SLC49A3: variants seen among roughly 807,000 people sequenced by gnomAD.
SLC49A3 encodes the protein solute carrier family 49 member A3.
Under a neutral mutation model 43.8 loss-of-function variants are expected in SLC49A3, and 50 were observed. The ratio of observed to expected loss-of-function variants is 1.14; its 90% CI spans 0.91 to 1.45. The LOEUF is 1.45. Among genes scored for constraint, SLC49A3 ranks in the 40% most tolerant of loss-of-function variants. SLC49A3 has a pLI of 0.00. For missense variants in SLC49A3, 906 were observed against 774.1 expected (o/e 1.17, Z -2.02); for synonymous variants, 413 against 352.0 (o/e 1.17, Z -1.94).
chr4:690,740 T>C (rs1741814185), upstream of SLC49A3, among the ~76,000 whole-genome samples: 1 of 152,170 alleles, frequency 6.6e-6, no homozygotes, highest in Non-Finnish European at 1.5e-5. Context: ...TGTAGCTACC[T>C]CCATTGTTCA....
downstream of SLC49A3, chr4:679,034 G>A (rs765368805): frequency 1.7e-5 from 27 of 1,613,340 alleles, no homozygotes; most frequent in African/African-American, 2.7e-5. Flanking sequence ...GCCTCCCTGG[G>A]TAGGTACCCA....
Position 681,953 on chromosome 4 carries a change from C to G in SLC49A3, c.*5G>C. On this transcript the variant is annotated 3_prime_UTR_variant, in exon 10 of 10. Coordinates refer to ENST00000322224, the MANE Select transcript of SLC49A3 (RefSeq NM_032219.4). ...GGCGGGCAACCTGGACTACAAGGCG[C>G]TCAGCTACGTGATCACCCACGGGGA... 7.4e-7 allele frequency: 1 copy of G among 1,355,278 alleles called. No homozygotes were observed. The highest frequency in any genetic ancestry group is 9.6e-7 in the Non-Finnish European group (1 of 1,041,098). 84.0% of individuals were successfully genotyped at this position (1,355,278 alleles called of 1,614,324 possible).
chr4:678,927 G>C, downstream of SLC49A3: 1 of 1,612,914 alleles, frequency 6.2e-7, no homozygotes, highest in Non-Finnish European at 8.5e-7. Flanking sequence ...AGCCGGGTTG[G>C]CAGCACAGCA....
Position 685,241 on chromosome 4 carries a change from C to T in SLC49A3, c.586-385G>A, listed in dbSNP as rs1328302760. ...GTACATACCCCCAAGCACAAACACA[C>T]CACCCGCACCTGATACACATGCACG... is the stretch of plus-strand genomic sequence containing the variant. On this transcript the variant is annotated intron_variant, in intron 4 of 9. Coordinates refer to ENST00000322224, the MANE Select transcript of SLC49A3 (RefSeq NM_032219.4). The surrounding 1 kb of genome is among the most constrained non-coding windows in gnomAD (Gnocchi z 4.3). 2 of 330,552 alleles carry T rather than the reference C, an allele frequency of 6.1e-6. No homozygotes were observed. Among genetic ancestry groups the T allele is most frequent in the Non-Finnish European group, 1.1e-5 (2 of 176,198 alleles). 20.5% of individuals were successfully genotyped at this position (330,552 alleles called of 1,614,324 possible).
chr4:682,211 G>A lies in SLC49A3; in HGVS notation c.1427C>T (p.Ala476Val). Reference protein sequence around the residue: ...DSGPGVDRGGAGRAGVLGPST... With the variant: ...DSGPGVDRGGVGRAGVLGPST... The stretch of plus-strand genomic sequence containing the variant: ...GGGCCCCAGGACCCCAGCCCTTCCT[G>A]CTCCCCCTCGGTCCACACCCGGCCC... The change falls in exon 10 of 10, where the codon GCA (alanine) becomes GTA (valine). Residue 476 changes from alanine to valine, a missense_variant. Transcript: ENST00000322224. The A allele has an allele frequency of 7.3e-7, 1 of 1,372,296 alleles. No homozygotes were observed. The highest frequency in any genetic ancestry group is 9.5e-7 in the Non-Finnish European group (1 of 1,051,946). The allele number at this position is 1,372,296 out of a possible 1,614,324, so 85.0% of individuals were successfully genotyped here.
Position 683,360 on chromosome 4 carries a change from T to G in SLC49A3, c.1001A>C (p.Gln334Pro). 2.5e-6 allele frequency: 4 copies of G among 1,608,696 alleles called. No individual in the cohort carries two copies. Among genetic ancestry groups the G allele is most frequent in the Non-Finnish European group, 3.4e-6 (4 of 1,177,868 alleles). ...LACVPFALVS[Q>P]LQGQTLALAA... is the part of the protein sequence containing the mutation. ...CAGGGCAAGGGTCTGTCCCTGCAGC[T>G]GGGACACCTGGGAGCAGCGGAACGG... Residue 334 changes from glutamine (Q) to proline (P), a missense_variant, in exon 8 of 10, where the codon CAG (glutamine) becomes CCG (proline). Transcript: ENST00000322224.
rs1740930435 is a variant in SLC49A3, at chr4:685,969, C to T, written c.509-58G>A. On this transcript the variant is annotated intron_variant, in intron 3 of 9. Transcript: ENST00000322224. The surrounding 1 kb of genome is among the most constrained non-coding windows in gnomAD (Gnocchi z 4.3). ...GCTGTGGCCTGGCTTCATCGCCAGC[C>T]CACAGGCAGAACCTTCCGGGCCCCA... is the stretch of plus-strand genomic sequence containing the variant. 1 of 1,611,902 alleles carries T rather than the reference C, an allele frequency of 6.2e-7. No individual in the cohort carries two copies. Among genetic ancestry groups the T allele is most frequent in the East Asian group, 2.2e-5 (1 of 44,856 alleles).
Position 685,987 on chromosome 4 carries a change from G to T in SLC49A3, c.509-76C>A. On this transcript the variant is annotated intron_variant, in intron 3 of 9. Transcript: ENST00000322224. The surrounding 1 kb of genome is among the most constrained non-coding windows in gnomAD (Gnocchi z 4.3). ...CGCCAGCCCACAGGCAGAACCTTCC[G>T]GGCCCCAGCTCCTCCACCCTGGCCA... 1 of 1,608,674 alleles carries T rather than the reference G, an allele frequency of 6.2e-7. No individual in the cohort carries two copies. The highest frequency in any genetic ancestry group is 8.5e-7 in the Non-Finnish European group (1 of 1,177,462).
At position 685,072 on chromosome 4, in the gene SLC49A3, C is replaced by T; in HGVS notation, c.586-216G>A. 1 of 587,668 alleles carries T rather than the reference C, an allele frequency of 1.7e-6. No individual in the cohort carries two copies. The highest frequency in any genetic ancestry group is 2.3e-5 in the South Asian group (1 of 43,960). 36.4% of individuals were successfully genotyped at this position (587,668 alleles called of 1,614,324 possible). On this transcript the variant is annotated intron_variant, in intron 4 of 9. Coordinates refer to ENST00000322224, the MANE Select transcript of SLC49A3 (RefSeq NM_032219.4). This position sits in a 1 kb window ranked among gnomAD's most constrained non-coding sequence, Gnocchi z 4.3. ...CCCTGGCTGTCAACGCATCCCTCAC[C>T]AGTGACACCCTCCTGGCTGATGTTA...
At chr4:679,240 G>C, downstream of SLC49A3, 1 of 683,446 alleles carries the variant, frequency 1.5e-6, no homozygotes, top group Non-Finnish European at 2.6e-6. Flanking sequence ...GAGACAGGGT[G>C]GGTGGGACAG....
At chr4:678,548 G>A (rs28648652), downstream of SLC49A3, 32 of 1,476,132 alleles carry the variant, frequency 2.2e-5, no homozygotes, top group Admixed American at 7.7e-5. Flanking sequence ...CCTCCAGCCC[G>A]AAGGGCTGAG....
chr4:680,967 T>A, downstream of SLC49A3: 2 of 1,116,552 alleles, frequency 1.8e-6, no homozygotes, highest in Admixed American at 2.1e-5. Flanking sequence ...AGGGCCACAC[T>A]CCAGCGGGAA....
Position 683,266 on chromosome 4 carries a change from G to A in SLC49A3, c.1095C>T (p.Val365=), listed in dbSNP as rs750904256. The change falls in exon 8 of 10, where the codon GTC becomes GTT. Residue 365 remains valine (V), a synonymous_variant. Coordinates refer to ENST00000322224, the MANE Select transcript of SLC49A3 (RefSeq NM_032219.4). ...SVGPVAMELA[V]ECSFPVGEGA... ...CCTCCCCCACGGGGAAGGAACACTCGACCGCCAACTCCATGGCCACGGGGC... is the reference window on the plus strand; with the variant it reads ...CCTCCCCCACGGGGAAGGAACACTCAACCGCCAACTCCATGGCCACGGGGC... 6.4e-5 allele frequency: 104 copies of A among 1,612,546 alleles called. 1 individual carries two copies. The South Asian group carries it at 9.3e-4, about 14-fold the overall frequency.
Position 684,813 on chromosome 4 carries a change from G to GA in SLC49A3, c.628dup (p.Ser210PhefsTer104). On this transcript the variant is annotated frameshift_variant, in exon 5 of 10. Coordinates refer to ENST00000322224, the MANE Select transcript of SLC49A3 (RefSeq NM_032219.4). LOFTEE classifies it high-confidence loss of function. ...CACACTCTCCCACAGGCAGATGGTG[G>GA]ACAGCAGGCAGACGACGCCAGCAGG... 1 of 1,612,572 alleles carries GA rather than the reference G, an allele frequency of 6.2e-7. No homozygotes were observed. Among genetic ancestry groups the GA allele is most frequent in the East Asian group, 2.2e-5 (1 of 44,888 alleles).
In SLC49A3 at chr4:684,496, C is replaced by T. The variant is rs780384996; in HGVS notation, c.827G>A (p.Ser276Asn). The T allele has an allele frequency of 1.2e-5, 19 of 1,613,008 alleles. No individual in the cohort carries two copies. The East Asian group carries it at 3.1e-4, about 26-fold the overall frequency. Residue 276 changes from serine (S) to asparagine (N), a missense_variant, in exon 6 of 10, where the codon AGC becomes AAC. Coordinates refer to ENST00000322224, the MANE Select transcript of SLC49A3 (RefSeq NM_032219.4). The part of the protein sequence containing the change: ...SALLEQILCA[S>N]GHSSGFSGLC... ...GGCCAGGCTCACACTGGAGTGGCCG[C>T]TTGCACAGAGGATCTGCTCCAGGAG...
downstream of SLC49A3, chr4:680,825 C>A: frequency 3.2e-6 from 2 of 629,762 alleles, no homozygotes; most frequent in Non-Finnish European, 5.5e-6. Context: ...CCCACTCCTC[C>A]ATCTTCAGCT....
chr4:691,319 C>T (rs895081313), upstream of SLC49A3, among the ~76,000 whole-genome samples: 11 of 136,136 alleles, frequency 8.1e-5, no homozygotes, highest in South Asian at 4.6e-4. Flanking sequence ...CATGGCTGGG[C>T]GAGGTAGCTC....
Position 686,551 on chromosome 4 carries a change from GA to G in SLC49A3, c.274del (p.Ser92ProfsTer14). 6.2e-7 allele frequency: 1 copy of G among 1,612,840 alleles called. No homozygotes were observed. The highest frequency in any genetic ancestry group is 1.7e-4 in the Middle Eastern group (1 of 6,060). ...FGVAAIWILD[S>X]VGLRAATILG... Reference sequence around the variant, plus strand: ...ACTCACCGCCGCACGGAGCCCGACGGAGTCCAGGATCCAGATGGCCGCCACG... The same window carrying G: ...ACTCACCGCCGCACGGAGCCCGACGGGTCCAGGATCCAGATGGCCGCCACG... On this transcript the variant is annotated frameshift_variant, in exon 2 of 10. Transcript: ENST00000322224. LOFTEE classifies it high-confidence loss of function.
chr4:686,303 C>T lies in SLC49A3; in HGVS notation c.295-1G>A. 6.2e-7 allele frequency: 1 copy of T among 1,612,952 alleles called. No homozygotes were observed. The highest frequency in any genetic ancestry group is 8.5e-7 in the Non-Finnish European group (1 of 1,179,918). On this transcript the variant is annotated splice_acceptor_variant, in intron 2 of 9. Coordinates refer to ENST00000322224, the MANE Select transcript of SLC49A3 (RefSeq NM_032219.4). LOFTEE classifies it high-confidence loss of function. The stretch of plus-strand genomic sequence containing the variant: ...AGTTCAGCCACGCACCCAGGATGGT[C>T]TGCGAGGAGGGGGTCGGGGACCGGG...
Sources: gnomAD v4.1 joint callset for allele counts (sites outside exome capture counted in the v4.1 genomes callset) on GRCh38, gnomAD v4.1.1 for gene constraint, Gnocchi (gnomAD v3.1) non-coding constraint, MANE v1.5 for transcripts, NCBI Gene and HGNC (gene_info 2026-07-23, HGNC 2026-07-21) for gene names.